CPEB4: variants seen among roughly 807,000 people sequenced by gnomAD.
CPEB4 encodes the protein cytoplasmic polyadenylation element-binding protein 4.
Under a neutral mutation model 72.5 loss-of-function variants are expected in CPEB4, and 12 were observed. The observed-to-expected ratio is 0.17, with a 90% CI of 0.11 to 0.27. CPEB4 has a LOEUF of 0.27. Ranked by LOEUF, CPEB4 falls within the 10% of genes least tolerant of loss-of-function variation. The pLI is 1.00. For synonymous variants in CPEB4, 302 were observed against 326.3 expected (o/e 0.93, Z 0.80); for missense variants, 614 against 908.5 (o/e 0.68, Z 4.17).
intron 3 of CPEB4, among the ~76,000 whole-genome samples, chr5:173,935,965 T>C (rs1012446475): frequency 2.0e-5 from 3 of 152,226 alleles, no homozygotes; most frequent in African/African-American, 7.2e-5. Context: ...TAAAAGGCAG[T>C]GCCAATATAA....
intron 2 of CPEB4, 101 bp from the exon 3 acceptor site, chr5:173,932,349 C>A: frequency 2.6e-6 from 2 of 780,738 alleles, no homozygotes; most frequent in Non-Finnish European, 4.2e-6. Context: ...GATTCAAATA[C>A]CTTGCCTATT....
rs1316330766 is a variant in CPEB4, at chr5:173,957,425, A to G, written c.*1288A>G. 6.5e-6 allele frequency: 1 copy of G among 152,808 alleles called. No homozygotes were observed. Among genetic ancestry groups the G allele is most frequent in the African/African-American group, 2.4e-5 (1 of 41,468 alleles). 9.5% of individuals were successfully genotyped at this position (152,808 alleles called of 1,614,324 possible). On this transcript the variant is annotated 3_prime_UTR_variant, in exon 10 of 10. Transcript: ENST00000265085. Reference sequence around the variant, plus strand: ...TTTATCTTACTCTTCCTATAAACTAAAATAACATTACAGTTTCCGAATTTA... The same window carrying G: ...TTTATCTTACTCTTCCTATAAACTAGAATAACATTACAGTTTCCGAATTTA...
Position 173,960,342 on chromosome 5 carries a change from C to G in CPEB4, c.*4205C>G, listed in dbSNP as rs943885399. 3 of 152,564 alleles carry G rather than the reference C, an allele frequency of 2.0e-5. No homozygotes were observed. The highest frequency in any genetic ancestry group is 7.2e-5 in the African/African-American group (3 of 41,402). The allele number at this position is 152,564 out of a possible 1,614,324, so 9.5% of individuals were successfully genotyped here. ...TTAATATACTTATTTCTTTTTAACA[C>G]AAGTAGATGATGCTTTCTTGACTGG... On this transcript the variant is annotated 3_prime_UTR_variant, in exon 10 of 10. Transcript: ENST00000265085.
intron 5 of CPEB4, among the ~76,000 whole-genome samples, chr5:173,946,959 C>T (rs1322294308): frequency 6.6e-6 from 1 of 151,778 alleles, no homozygotes; most frequent in Admixed American, 6.6e-5. Context: ...TAACCTTTTT[C>T]CCCCCCAAGA....
Position 173,889,549 on chromosome 5 carries a change from C to A in CPEB4, c.-185C>A. On this transcript the variant is annotated 5_prime_UTR_variant, in exon 1 of 10. Transcript: ENST00000265085. ...GAGATTTTTTTAAGAGTTGTTTTTT[C>A]TTTCAGAGACCAGAATTCCAAATCA... The A allele has an allele frequency of 6.7e-5, 31 of 459,424 alleles. No homozygotes were observed. Among genetic ancestry groups the A allele is most frequent in the East Asian group, 7.1e-5 (2 of 28,218 alleles). The allele number at this position is 459,424 out of a possible 1,614,324, so 28.5% of individuals were successfully genotyped here.
intron 1 of CPEB4, among the ~76,000 whole-genome samples, chr5:173,905,011 AATAAT>A (rs1561608889): frequency 3.1e-4 from 28 of 90,604 alleles, no homozygotes; most frequent in Non-Finnish European, 2.1e-4. Context: ...TAATAATAAT[AATAAT>A]AAAAAAATGT....
rs758413448 is a variant in CPEB4, at chr5:173,890,230, C to G, written c.497C>G (p.Thr166Ser). 1 of 1,614,128 alleles carries G rather than the reference C, an allele frequency of 6.2e-7. No homozygotes were observed. Among genetic ancestry groups the G allele is most frequent in the Non-Finnish European group, 8.5e-7 (1 of 1,179,992 alleles). The change falls in exon 1 of 10, where the codon ACT becomes AGT. Residue 166 changes from threonine to serine, a missense_variant. Transcript: ENST00000265085. ...QPLTSSASSLTGFSNWSAAIA... is the reference protein window; with the variant it reads ...QPLTSSASSLSGFSNWSAAIA... ...TTGACATCTAGCGCATCGTCTCTTA[C>G]TGGTTTCAGTAACTGGTCAGCAGCG...
rs1240896941 is a variant in CPEB4 at position 173,960,102 on chromosome 5, A to T, written c.*3965A>T. The T allele has an allele frequency of 3.3e-5, 5 of 152,692 alleles. No individual in the cohort carries two copies. The highest frequency in any genetic ancestry group is 2.9e-5 in the Non-Finnish European group (2 of 68,012). 9.5% of individuals were successfully genotyped at this position (152,692 alleles called of 1,614,324 possible). A position where few individuals can be genotyped will look rare whatever the true frequency, so the allele number is the denominator to read the frequency against. On this transcript the variant is annotated 3_prime_UTR_variant, in exon 10 of 10. Coordinates refer to ENST00000265085, the MANE Select transcript of CPEB4 (RefSeq NM_030627.4). The stretch of plus-strand genomic sequence containing the variant: ...ATAAGGGTAATTCATTTTTTATTAA[A>T]GTCATTTTCACGTTAAGTTCCTATT...
At position 173,900,938 on chromosome 5, in the gene CPEB4, T is replaced by A. The variant is rs1196737331; in HGVS notation, c.1126-9585T>A. 6.6e-6 allele frequency among the ~76,000 whole-genome samples: 1 copy of A among 152,186 alleles called. No individual in the cohort carries two copies. Among genetic ancestry groups the A allele is most frequent in the African/African-American group, 2.4e-5 (1 of 41,450 alleles). ...GTTCAATGATATTGCAGCATCAAGA[T>A]CACTTGCTTAGTATGTTTGATACTT... On this transcript the variant is annotated intron_variant, in intron 1 of 9. Transcript: ENST00000265085. The surrounding 1 kb of genome is among the most constrained non-coding windows in gnomAD (Gnocchi z 4.4).
chr5:173,910,910 C>T (rs1181044210), intron 2 of CPEB4: 1 of 243,538 alleles, frequency 4.1e-6, no homozygotes, highest in Non-Finnish European at 7.9e-6. Context: ...GCAATAACTT[C>T]TCAGTGTCTT....
intron 5 of CPEB4, among the ~76,000 whole-genome samples, chr5:173,948,867 AAGG>A (rs947464476): frequency 3.9e-5 from 6 of 152,216 alleles, no homozygotes; most frequent in Admixed American, 3.9e-4. Context: ...ATCCCATTGA[AAGG>A]ATTCTACCCC....
intron 9 of CPEB4, 176 bp downstream of exon 9, chr5:173,953,448 C>A: frequency 2.2e-6 from 1 of 460,252 alleles, no homozygotes; most frequent in Non-Finnish European, 3.8e-6. Flanking sequence ...TTTTATCTTT[C>A]AGTTTTTTGA....
chr5:173,951,673 A>G (rs532600733), intron 7 of CPEB4, 151 bp from the exon 8 acceptor site: 1 of 594,214 alleles, frequency 1.7e-6, no homozygotes, highest in South Asian at 2.2e-5. Flanking sequence ...GGGTTGGGAT[A>G]CACTGTTTTT....
intron 4 of CPEB4, among the ~76,000 whole-genome samples, chr5:173,944,596 T>G (rs1429539946): frequency 6.6e-6 from 1 of 152,178 alleles, no homozygotes; most frequent in Non-Finnish European, 1.5e-5. Flanking sequence ...TACAGCCAAA[T>G]TTAATATTGA....
At chr5:173,923,740 A>G (rs1757149370) in intron 2 of CPEB4, among the ~76,000 whole-genome samples, 1 of 152,030 alleles carries the variant, frequency 6.6e-6, no homozygotes, top group Non-Finnish European at 1.5e-5. Context: ...TAGCTTGGAC[A>G]AAAACTACAC....
rs1374868106 is a variant in CPEB4 at position 173,950,216 on chromosome 5, G to A, written c.1665+138G>A. On this transcript the variant is annotated intron_variant, in intron 7 of 9. Coordinates refer to ENST00000265085, the MANE Select transcript of CPEB4 (RefSeq NM_030627.4). The surrounding 1 kb of genome is among the most constrained non-coding windows in gnomAD (Gnocchi z 5.0). Reference sequence around the variant, plus strand: ...TAAGCAGACTAAGTAGTCTTGTTGTGAAGTTCTTAACATTGACATTCTGTG... The same window carrying A: ...TAAGCAGACTAAGTAGTCTTGTTGTAAAGTTCTTAACATTGACATTCTGTG... 1 of 550,586 alleles carries A rather than the reference G, an allele frequency of 1.8e-6. No individual in the cohort carries two copies. Among genetic ancestry groups the A allele is most frequent in the Non-Finnish European group, 3.2e-6 (1 of 313,658 alleles). 34.1% of individuals were successfully genotyped at this position (550,586 alleles called of 1,614,324 possible).
intron 5 of CPEB4, 55 bp from the exon 6 acceptor site, chr5:173,949,453 C>CA: frequency 3.0e-6 from 4 of 1,340,828 alleles, no homozygotes; most frequent in African/African-American, 3.0e-5. Context: ...GAAAAACTTT[C>CA]AAAAAATGAT....
At chr5:173,921,691 C>T (rs984856628) in intron 2 of CPEB4, among the ~76,000 whole-genome samples, 2 of 152,152 alleles carry the variant, frequency 1.3e-5, no homozygotes, top group Admixed American at 6.5e-5. Flanking sequence ...GCTACTAAAG[C>T]CTCTTTAAGC....
chr5:173,946,594 G>A (rs529945526), intron 5 of CPEB4, among the ~76,000 whole-genome samples: 24 of 152,140 alleles, frequency 1.6e-4, no homozygotes, highest in African/African-American at 5.1e-4. Context: ...AAACTAAACT[G>A]TCAGGAGATA....
Sources: gnomAD v4.1 joint callset for allele counts (sites outside exome capture counted in the v4.1 genomes callset) on GRCh38, gnomAD v4.1.1 for gene constraint, Gnocchi (gnomAD v3.1) non-coding constraint, MANE v1.5 for transcripts, NCBI Gene and HGNC (gene_info 2026-07-23, HGNC 2026-07-21) for gene names.